Variants in ANKRD30BL observed in about 807,000 individuals in gnomAD.
ANKRD30BL encodes ankyrin repeat domain 30B like, also known as putative ankyrin repeat domain-containing protein 30B-like.
A neutral mutation model predicts 18.4 loss-of-function variants in ANKRD30BL; 20 were observed. That is an observed-to-expected ratio of 1.09 (90% confidence interval 0.77 to 1.58). The LOEUF (loss-of-function observed/expected upper bound fraction) is 1.58, where lower values mean the gene tolerates loss of function less well. Among genes scored for constraint, ANKRD30BL ranks in the 40% most tolerant of loss-of-function variants. The pLI, the probability that ANKRD30BL is intolerant of heterozygous loss-of-function variation, is 0.00. For missense variants in ANKRD30BL, 224 were observed against 268.6 expected (o/e 0.83, Z 1.16); for synonymous variants, 72 against 100.9 (o/e 0.71, Z 1.72).
At chr2:132,174,213 A>G (rs1482794018) in intron 1 of ANKRD30BL, among the ~76,000 whole-genome samples, 2 of 152,252 alleles carry the variant, frequency 1.3e-5, no homozygotes, top group Non-Finnish European at 2.9e-5. Flanking sequence ...CATTTGCAGT[A>G]GGCTTTCATG....
intron 1 of ANKRD30BL, among the ~76,000 whole-genome samples, chr2:132,256,489 GC>G (rs1680842908): frequency 6.6e-6 from 1 of 152,240 alleles, no homozygotes; most frequent in East Asian, 1.9e-4. Context: ...GCGCGGGGCG[GC>G]CCCGACGTTT....
At chr2:132,238,841 CA>C (rs1680234501) in intron 1 of ANKRD30BL, among the ~76,000 whole-genome samples, 1 of 151,820 alleles carries the variant, frequency 6.6e-6, no homozygotes, top group Non-Finnish European at 1.5e-5. Context: ...GTGATGTTTG[CA>C]TTCATCTCGC....
At chr2:132,257,028 A>T (rs542655547) in intron 1 of ANKRD30BL, 5 of 515,354 alleles carry the variant, frequency 9.7e-6, no homozygotes, top group Non-Finnish European at 1.9e-5. Context: ...CGCCACAGAC[A>T]GGAGGGAGGT....
At chr2:132,221,418 G>A (rs1679677749) in intron 1 of ANKRD30BL, among the ~76,000 whole-genome samples, 1 of 135,984 alleles carries the variant, frequency 7.4e-6, no homozygotes, top group Admixed American at 6.9e-5. Context: ...GGAGGGAGGT[G>A]GGGGGATCAG....
At chr2:132,181,921 G>C (rs974988021) in intron 1 of ANKRD30BL, among the ~76,000 whole-genome samples, 1 of 151,984 alleles carries the variant, frequency 6.6e-6, no homozygotes, top group African/African-American at 2.4e-5. Context: ...AGACCAGCCT[G>C]ACCAACATGG....
At chr2:132,161,359 C>T (rs1390605450) in intron 1 of ANKRD30BL, 129 bp downstream of exon 1, 13 of 947,118 alleles carry the variant, frequency 1.4e-5, no homozygotes, top group Admixed American at 2.6e-5. Flanking sequence ...CCAGGACGGC[C>T]GCCCCGCTGC....
At chr2:132,216,307 A>C (rs901891497) in intron 1 of ANKRD30BL, among the ~76,000 whole-genome samples, 4 of 151,898 alleles carry the variant, frequency 2.6e-5, no homozygotes, top group Non-Finnish European at 4.4e-5. Context: ...AGAATCTGCA[A>C]GTTGATATTT....
intron 1 of ANKRD30BL, among the ~76,000 whole-genome samples, chr2:132,210,343 C>T (rs2315223): frequency 7.9e-4 from 119 of 149,772 alleles, no homozygotes; most frequent in Middle Eastern, 7.0e-3. Context: ...GAGCGCTTTG[C>T]GGCCAATGGT....
chr2:132,165,489 T>G (rs188431328), upstream of ANKRD30BL, among the ~76,000 whole-genome samples: 47 of 151,174 alleles, frequency 3.1e-4, no homozygotes, highest in African/African-American at 1.1e-3. Context: ...AGCTCAGGAG[T>G]TGGACAACAG....
intron 1 of ANKRD30BL, among the ~76,000 whole-genome samples, chr2:132,171,426 A>G (rs1042062908): frequency 3.3e-5 from 5 of 152,162 alleles, no homozygotes; most frequent in African/African-American, 1.2e-4. Context: ...ATTATGTGAT[A>G]ACTTCTAGGT....
chr2:132,217,274 T>G (rs370095599), intron 1 of ANKRD30BL, among the ~76,000 whole-genome samples: 1 of 149,354 alleles, frequency 6.7e-6, no homozygotes, highest in Non-Finnish European at 1.5e-5. Context: ...TCACATAATC[T>G]CTAGAGAGAA....
chr2:132,221,760 C>T (rs1197215783), intron 1 of ANKRD30BL, among the ~76,000 whole-genome samples: 1 of 108,682 alleles, frequency 9.2e-6, no homozygotes, highest in East Asian at 2.8e-4. Flanking sequence ...GCCCGGCCGC[C>T]CCTACTGGGA....
chr2:132,237,710 T>G (rs796194469), intron 1 of ANKRD30BL, among the ~76,000 whole-genome samples: 2 of 151,948 alleles, frequency 1.3e-5, no homozygotes, highest in African/African-American at 4.8e-5. Flanking sequence ...CATAGAGCAG[T>G]TTTGAAACAC....
chr2:132,202,157 G>C (rs1679114482), intron 1 of ANKRD30BL, among the ~76,000 whole-genome samples: 3 of 144,800 alleles, frequency 2.1e-5, no homozygotes, highest in African/African-American at 8.7e-5. Flanking sequence ...TGGAGGCAGG[G>C]GGGAGGGATA....
At chr2:132,176,772 CAG>C (rs1208684983) in intron 1 of ANKRD30BL, among the ~76,000 whole-genome samples, 3 of 152,054 alleles carry the variant, frequency 2.0e-5, no homozygotes, top group Non-Finnish European at 4.4e-5. Context: ...GTCTGGGGGA[CAG>C]AGTTAGGCTC....
At chr2:132,205,108 T>C (rs1198903290) in intron 1 of ANKRD30BL, among the ~76,000 whole-genome samples, 5 of 152,196 alleles carry the variant, frequency 3.3e-5, no homozygotes, top group Non-Finnish European at 4.4e-5. Context: ...CCCTGGATCA[T>C]TTACTGGAGT....
chr2:132,233,045 A>G (rs991539515), intron 1 of ANKRD30BL, among the ~76,000 whole-genome samples: 90 of 152,240 alleles, frequency 5.9e-4, no homozygotes, highest in African/African-American at 2.0e-3. Flanking sequence ...ATTCTTAAAG[A>G]AAAGAATTTT....
intron 1 of ANKRD30BL, among the ~76,000 whole-genome samples, chr2:132,219,698 T>A (rs140721137): frequency 2.0e-5 from 3 of 151,990 alleles, no homozygotes; most frequent in African/African-American, 7.3e-5. Flanking sequence ...GGCTTCTTTT[T>A]GATGTTTGTA....
At chr2:132,184,606 T>C (rs1458177019) in intron 1 of ANKRD30BL, among the ~76,000 whole-genome samples, 3 of 152,316 alleles carry the variant, frequency 2.0e-5, no homozygotes, top group African/African-American at 7.2e-5. Context: ...CCATAAGTTA[T>C]CCCCAAGCCT....
Sources: allele counts gnomAD v4.1 joint callset (sites outside exome capture counted in the v4.1 genomes callset), GRCh38; gene constraint gnomAD v4.1.1; transcripts MANE v1.5; gene names NCBI Gene and HGNC (gene_info 2026-07-23, HGNC 2026-07-21).